The following SCN9A variants were observed in gnomAD, a reference collection of about 807,000 sequenced individuals.
The protein encoded by SCN9A is sodium channel protein type 9 subunit alpha.
In SCN9A, 131 loss-of-function variants were observed where a neutral mutation model predicts 187.0. The ratio of observed to expected loss-of-function variants is 0.70; its 90% CI spans 0.61 to 0.81. SCN9A has a LOEUF of 0.81. SCN9A is among the 30% of genes least tolerant of loss of function. The pLI, the probability that SCN9A is intolerant of heterozygous loss-of-function variation, is 0.00. For synonymous variants in SCN9A, 809 were observed against 808.6 expected, an observed-to-expected ratio of 1.00 and a Z score of -0.01; for missense variants, 2,252 against 2,396.6, an observed-to-expected ratio of 0.94 and a Z score of 1.26.
chr2:166,228,719 C>A lies in SCN9A; in HGVS notation c.4178G>T (p.Gly1393Val). ...TTGAAGCAGAGATAGGTAACCAAGT[C>A]CGACATTATCAAAGTTCACTTTCAG... ...KNLKVNFDNV[G>V]LGYLSLLQVA... The change falls in exon 22 of 27, where the codon GGA (glycine) becomes GTA (valine). Residue 1393 changes from glycine to valine, a missense_variant. Around this residue, in one of 7 missense-constraint regions of SCN9A, gnomAD observed 368 missense variants for 408.6 expected, o/e 0.90. Transcript: ENST00000642356. The A allele has an allele frequency of 6.2e-7, 1 of 1,613,158 alleles. No individual in the cohort carries two copies. Among genetic ancestry groups the A allele is most frequent in the Non-Finnish European group, 8.5e-7 (1 of 1,179,330 alleles).
intron 17 of SCN9A, among the ~76,000 whole-genome samples, chr2:166,256,897 T>C (rs1696300964): frequency 6.6e-6 from 1 of 151,580 alleles, no homozygotes; most frequent in African/African-American, 2.4e-5. Context: ...TTCTATCCAA[T>C]AACATGAAAA....
chr2:166,207,349 A>G (rs933442372), intron 24 of SCN9A, among the ~76,000 whole-genome samples: 4 of 152,138 alleles, frequency 2.6e-5, no homozygotes, highest in African/African-American at 9.7e-5. Flanking sequence ...ATTGAATGGG[A>G]AGCTTCCCAT....
intron 17 of SCN9A, among the ~76,000 whole-genome samples, chr2:166,258,484 AC>A (rs1696372658): frequency 6.6e-6 from 1 of 151,546 alleles, no homozygotes. Flanking sequence ...AGGCCTATCA[AC>A]TTTTAACTGA....
intron 1 of SCN9A, among the ~76,000 whole-genome samples, chr2:166,320,685 G>T (rs1189360502): frequency 6.6e-6 from 1 of 152,024 alleles, no homozygotes; most frequent in Non-Finnish European, 1.5e-5. Context: ...TTTGAGATGT[G>T]GGCATTACAT....
At chr2:166,238,373 A>G (rs1045827095) in intron 19 of SCN9A, 106 bp from the exon 20 acceptor site, 13 of 749,632 alleles carry the variant, frequency 1.7e-5, no homozygotes, top group Non-Finnish European at 2.6e-5. Context: ...GCTGAAACAT[A>G]ATATTGACAT....
At chr2:166,360,519 T>G (rs1276433544) in intron 1 of SCN9A, among the ~76,000 whole-genome samples, 1 of 152,072 alleles carries the variant, frequency 6.6e-6, no homozygotes, top group South Asian at 2.1e-4. Context: ...AGAGAGAAAA[T>G]GTATTTCCAA....
intron 1 of SCN9A, among the ~76,000 whole-genome samples, chr2:166,324,491 A>T (rs538715990): frequency 6.6e-6 from 1 of 152,262 alleles, no homozygotes; most frequent in African/African-American, 2.4e-5. Flanking sequence ...CTCTAGAAAC[A>T]CATAGTGATT....
At chr2:166,358,671 A>G (rs1339724325) in intron 1 of SCN9A, among the ~76,000 whole-genome samples, 1 of 152,146 alleles carries the variant, frequency 6.6e-6, no homozygotes, top group Admixed American at 6.5e-5. Flanking sequence ...ATTAAATTGA[A>G]TTCACCAATC....
chr2:166,343,068 A>T (rs2105285257), intron 1 of SCN9A, among the ~76,000 whole-genome samples: 1 of 152,372 alleles, frequency 6.6e-6, no homozygotes, highest in Middle Eastern at 3.4e-3. Flanking sequence ...CTGTAAAATT[A>T]ACTAAATAAT....
intron 12 of SCN9A, among the ~76,000 whole-genome samples, chr2:166,283,499 T>A (rs999837338): frequency 1.3e-5 from 2 of 152,162 alleles, no homozygotes; most frequent in African/African-American, 4.8e-5. Flanking sequence ...CATAGCATAG[T>A]GAGTGGGCTA....
intron 1 of SCN9A, among the ~76,000 whole-genome samples, chr2:166,355,420 C>T (rs2105305602): frequency 6.6e-6 from 1 of 152,024 alleles, no homozygotes; most frequent in Middle Eastern, 3.4e-3. Context: ...TTTCGTGAAA[C>T]ATTTCTAGTT....
intron 22 of SCN9A, 34 bp downstream of exon 22, chr2:166,228,657 A>T: frequency 6.5e-7 from 1 of 1,532,278 alleles, no homozygotes; most frequent in Non-Finnish European, 8.9e-7. Flanking sequence ...AATATCTATT[A>T]AAATACCAAG....
At chr2:166,356,900 T>C (rs888729100) in intron 1 of SCN9A, among the ~76,000 whole-genome samples, 1 of 152,212 alleles carries the variant, frequency 6.6e-6, no homozygotes, top group African/African-American at 2.4e-5. Flanking sequence ...TTCCCAAAGC[T>C]ACAATAATTA....
intron 1 of SCN9A, among the ~76,000 whole-genome samples, chr2:166,355,414 G>A (rs559388880): frequency 9.9e-5 from 15 of 151,728 alleles, no homozygotes; most frequent in South Asian, 8.3e-4. Context: ...TGTGAATTTC[G>A]TGAAACATTT....
intron 14 of SCN9A, among the ~76,000 whole-genome samples, chr2:166,279,972 A>C (rs899195127): frequency 1.3e-5 from 2 of 152,158 alleles, no homozygotes; most frequent in Non-Finnish European, 2.9e-5. Context: ...CTATTATGTC[A>C]AAGCAATACA....
rs369603483 is a variant in SCN9A at position 166,221,704 on chromosome 2, G to A, written c.4398+4863C>T. 1.1e-4 allele frequency among the ~76,000 whole-genome samples: 17 copies of A among 152,146 alleles called. No individual in the cohort carries two copies. The East Asian group carries it at 1.2e-3, about 10-fold the overall frequency. ...TGAGCCATTGCACCCAGTCCCCACA[G>A]GTCCTCATTTCAAAATGTATAACAA... On this transcript the variant is annotated intron_variant, in intron 24 of 26. Coordinates refer to ENST00000642356, the MANE Select transcript of SCN9A (RefSeq NM_001365536.1).
At chr2:166,362,685 C>A (rs1214598982) in intron 1 of SCN9A, among the ~76,000 whole-genome samples, 2 of 151,792 alleles carry the variant, frequency 1.3e-5, no homozygotes, top group African/African-American at 4.8e-5. Flanking sequence ...GAATCCAAGA[C>A]TCCTGATCAA....
At chr2:166,361,693 T>C (rs1330048378) in intron 1 of SCN9A, among the ~76,000 whole-genome samples, 2 of 152,080 alleles carry the variant, frequency 1.3e-5, no homozygotes, top group African/African-American at 2.4e-5. Flanking sequence ...GGCAAGTGCA[T>C]AAAAGTTTAA....
rs554369547 is a variant in SCN9A at position 166,207,723 on chromosome 2, G to A, written c.4399-3259C>T. Among the ~76,000 whole-genome samples, 79 of 152,268 alleles carry A rather than the reference G, an allele frequency of 5.2e-4. 1 individual carries two copies. The highest frequency in any genetic ancestry group is 3.4e-3 in the Middle Eastern group (1 of 294). On this transcript the variant is annotated intron_variant, in intron 24 of 26. Coordinates refer to ENST00000642356, the MANE Select transcript of SCN9A (RefSeq NM_001365536.1). ...CCCAAAGTGCTGGGATTACAGGCGT[G>A]AGCCACCATATCCGGCCACCTTAGA...
Sources: allele counts gnomAD v4.1 joint callset (sites outside exome capture counted in the v4.1 genomes callset), GRCh38; gene constraint gnomAD v4.1.1; regional missense constraint gnomAD v4.1.1; transcripts MANE v1.5; gene names NCBI Gene and HGNC (gene_info 2026-07-23, HGNC 2026-07-21).